LRBA: variants seen among roughly 807,000 people sequenced by gnomAD.
The protein encoded by LRBA is LPS responsive beige-like anchor protein.
Under a neutral mutation model 330.0 loss-of-function variants are expected in LRBA, and 176 were observed. The ratio of observed to expected loss-of-function variants is 0.53; its 90% confidence interval spans 0.47 to 0.60. The LOEUF is 0.60. Among genes scored for constraint, LRBA ranks in the 20% least tolerant of loss-of-function variants. The probability of loss-of-function intolerance (pLI) is 0.00; values close to 1 mark genes in which losing one functional copy is unlikely to be tolerated. For missense variants in LRBA, 3,259 were observed against 3,444.8 expected, an observed-to-expected ratio of 0.95 and a Z score of 1.35; for synonymous variants, 1,230 against 1,193.0, an observed-to-expected ratio of 1.03 and a Z score of -0.64.
At chr4:150,802,047 A>C (rs767448355) in intron 33 of LRBA, among the ~76,000 whole-genome samples, 1,466 of 46,422 alleles carry the variant, frequency 0.032, 29 homozygotes, top group African/African-American at 0.062. Context: ...ATAAATAAAT[A>C]AATCAATAAA....
chr4:150,857,043 T>C (rs1751310756), intron 22 of LRBA, among the ~76,000 whole-genome samples: 1 of 152,182 alleles, frequency 6.6e-6, no homozygotes, highest in Admixed American at 6.5e-5. Flanking sequence ...CATTTTAAAC[T>C]GTTAGGCAAT....
intron 37 of LRBA, among the ~76,000 whole-genome samples, chr4:150,609,267 T>C (rs544415044): frequency 3.9e-5 from 6 of 152,354 alleles, no homozygotes; most frequent in African/African-American, 1.4e-4. Context: ...AAATTCTGCC[T>C]AGCAACCACT....
At chr4:150,704,391 A>T (rs888223586) in intron 36 of LRBA, among the ~76,000 whole-genome samples, 21 of 151,654 alleles carry the variant, frequency 1.4e-4, no homozygotes, top group African/African-American at 4.6e-4. Flanking sequence ...ATTATTATTT[A>T]CTGTTATATT....
At chr4:150,434,960 A>G (rs999932861) in intron 46 of LRBA, among the ~76,000 whole-genome samples, 2 of 149,218 alleles carry the variant, frequency 1.3e-5, no homozygotes, top group African/African-American at 4.9e-5. Flanking sequence ...AAGATTCTAA[A>G]GAGAAAGGGA....
In LRBA at chr4:150,277,882, G is replaced by C; in HGVS notation, c.8439C>G (p.Ile2813Met). The change falls in exon 56 of 57, where the codon ATC becomes ATG. Residue 2813 changes from isoleucine (I) to methionine (M), a missense_variant. Coordinates refer to ENST00000651943, the MANE Select transcript of LRBA (RefSeq NM_001364905.1). ...GGTCGTAAGACAGCGCCATGGCCCG[G>C]ATTCCAGCGTCACATCCTGGATAGG... ...LFAYPGCDAG[I>M]RAMALSYDQR... 1 of 1,614,148 alleles carries C rather than the reference G, an allele frequency of 6.2e-7. No homozygotes were observed. The highest frequency in any genetic ancestry group is 1.3e-5 in the African/African-American group (1 of 75,040).
chr4:150,491,584 A>G (rs1758950818), intron 40 of LRBA, among the ~76,000 whole-genome samples: 1 of 152,104 alleles, frequency 6.6e-6, no homozygotes, highest in Non-Finnish European at 1.5e-5. Context: ...TGACTATATA[A>G]GAGGTTAAGT....
intron 2 of LRBA, among the ~76,000 whole-genome samples, chr4:151,001,730 C>A (rs1348598948): frequency 1.3e-5 from 2 of 152,084 alleles, no homozygotes; most frequent in African/African-American, 4.8e-5. Flanking sequence ...GTGCACCCAC[C>A]CACACAGCCT....
intron 47 of LRBA, among the ~76,000 whole-genome samples, chr4:150,400,429 GTTTTAC>G (rs1745309174): frequency 6.6e-6 from 1 of 152,026 alleles, no homozygotes; most frequent in African/African-American, 2.4e-5. Context: ...AAATTTTGTC[GTTTTAC>G]TTTTAAAACG....
At chr4:150,870,426 TA>T in intron 20 of LRBA, 98 bp downstream of exon 20, 1 of 733,160 alleles carries the variant, frequency 1.4e-6, no homozygotes. Context: ...AACATTCATC[TA>T]ACAATCTGTT....
chr4:150,878,998 G>A (rs1177246379), intron 17 of LRBA, among the ~76,000 whole-genome samples: 1 of 151,252 alleles, frequency 6.6e-6, no homozygotes, highest in Non-Finnish European at 1.5e-5. Context: ...TGAGTACAAG[G>A]AACTCCACCC....
chr4:151,000,947 T>C lies in LRBA; in HGVS notation c.216+13480A>G, dbSNP rs1170647372. On this transcript the variant is annotated intron_variant, in intron 2 of 56. Coordinates refer to ENST00000651943, the MANE Select transcript of LRBA (RefSeq NM_001364905.1). ...GAAACAGTAAGTGGGAGACTCCCTG[T>C]GGTCCACATTCCCACTGTGGACTCC... Among the ~76,000 whole-genome samples the C allele has an allele frequency of 2.0e-5, 3 of 152,224 alleles. No individual in the cohort carries two copies. The East Asian group carries it at 5.8e-4, about 29-fold the overall frequency.
At chr4:151,008,104 G>A (rs1744333114) in intron 2 of LRBA, among the ~76,000 whole-genome samples, 2 of 149,040 alleles carry the variant, frequency 1.3e-5, no homozygotes, top group Admixed American at 1.3e-4. Context: ...TTTTGAGACA[G>A]AGTTTCATTC....
chr4:150,994,247 G>A (rs554141964), intron 2 of LRBA, among the ~76,000 whole-genome samples: 7 of 152,172 alleles, frequency 4.6e-5, no homozygotes, highest in Admixed American at 4.6e-4. Flanking sequence ...ACAGTGTTGA[G>A]GAGAACAGGG....
At chr4:150,899,417 G>A (rs989513843) in intron 14 of LRBA, among the ~76,000 whole-genome samples, 1 of 152,120 alleles carries the variant, frequency 6.6e-6, no homozygotes, top group Non-Finnish European at 1.5e-5. Flanking sequence ...AGTTGTATCT[G>A]GAACTGCCAG....
chr4:150,342,585 C>G (rs989664457), intron 48 of LRBA, among the ~76,000 whole-genome samples: 2 of 152,114 alleles, frequency 1.3e-5, no homozygotes, highest in African/African-American at 4.8e-5. Context: ...GTGCTGCAGG[C>G]TGTTTCTCTG....
intron 47 of LRBA, among the ~76,000 whole-genome samples, chr4:150,414,688 A>G (rs1747479840): frequency 6.6e-6 from 1 of 151,992 alleles, no homozygotes. Flanking sequence ...GTGGGGTTTC[A>G]CCATGTTGGG....
chr4:150,881,180 A>G (rs1728338755), intron 17 of LRBA, among the ~76,000 whole-genome samples: 1 of 152,218 alleles, frequency 6.6e-6, no homozygotes, highest in South Asian at 2.1e-4. Flanking sequence ...CATATCCAAA[A>G]TAAAATAAAT....
rs1734183083 is a variant in LRBA, at chr4:150,929,075, A to G, written c.217-10T>C. ...ACTGTCCTCCTACCAACTTACAAGG[A>G]AAAAAAAAAAACACATTAAAAGCAT... On this transcript the variant is annotated splice_polypyrimidine_tract_variant and intron_variant, in intron 2 of 56. Transcript: ENST00000651943. 3 of 841,836 alleles carry G rather than the reference A, an allele frequency of 3.6e-6. No individual in the cohort carries two copies. The highest frequency in any genetic ancestry group is 4.4e-5 in the East Asian group (1 of 22,982). The allele number at this position is 841,836 out of a possible 1,614,324, so 52.1% of individuals were successfully genotyped here. A position where few individuals can be genotyped will look rare whatever the true frequency, so the allele number is the denominator to read the frequency against.
chr4:150,755,191 G>C (rs545715104), intron 35 of LRBA, among the ~76,000 whole-genome samples: 1 of 152,318 alleles, frequency 6.6e-6, no homozygotes, highest in South Asian at 2.1e-4. Flanking sequence ...TGCTCAGAAA[G>C]AAGACATGCA....
Sources: gnomAD v4.1 joint callset for allele counts (sites outside exome capture counted in the v4.1 genomes callset) on GRCh38, gnomAD v4.1.1 for gene constraint, MANE v1.5 for transcripts, NCBI Gene and HGNC (gene_info 2026-07-23, HGNC 2026-07-21) for gene names.